Variants in ADAMTS3 observed in about 807,000 individuals in gnomAD.
ADAMTS3 encodes ADAM metallopeptidase with thrombospondin type 1 motif 3.
A neutral mutation model predicts 129.0 loss-of-function variants in ADAMTS3; 73 were observed. The observed-to-expected ratio is 0.57, with a 90% confidence interval of 0.47 to 0.69. ADAMTS3 has a LOEUF of 0.69. Ranked by LOEUF, ADAMTS3 falls within the 30% of genes least tolerant of loss-of-function variation. ADAMTS3 has a pLI of 0.00. For synonymous variants in ADAMTS3, 477 were observed against 510.8 expected, an observed-to-expected ratio of 0.93 and a Z score of 0.89; for missense variants, 1,457 against 1,514.5, an observed-to-expected ratio of 0.96 and a Z score of 0.63.
intron 4 of ADAMTS3, among the ~76,000 whole-genome samples, chr4:72,373,081 T>C (rs373624450): frequency 1.3e-5 from 2 of 152,132 alleles, no homozygotes; most frequent in East Asian, 3.8e-4. Context: ...TGTTCTTCTG[T>C]GGAAACTAGA....
chr4:72,291,151 C>T (rs1467456875), intron 19 of ADAMTS3, 89 bp from the exon 20 acceptor site: 1 of 1,422,808 alleles, frequency 7.0e-7, no homozygotes, highest in South Asian at 1.3e-5. Context: ...TTTCTGCTCT[C>T]TAAGTGACTT....
intron 3 of ADAMTS3, among the ~76,000 whole-genome samples, chr4:72,497,756 A>AAG (rs1209503436): frequency 1.6e-4 from 24 of 151,208 alleles, no homozygotes; most frequent in Non-Finnish European, 2.7e-4. Context: ...ATCAGAAAAA[A>AAG]AGTCTATTTA....
chr4:72,362,512 G>A (rs1472244317), intron 4 of ADAMTS3, among the ~76,000 whole-genome samples: 2 of 152,092 alleles, frequency 1.3e-5, no homozygotes, highest in African/African-American at 4.8e-5. Flanking sequence ...ATTATCAGTA[G>A]GGACATTTCC....
rs968867863 is a variant in ADAMTS3, at chr4:72,281,222, GACTT to G, written c.*1910_*1913del. The G allele has an allele frequency of 2.6e-4, 40 of 152,304 alleles. No individual in the cohort carries two copies. The highest frequency in any genetic ancestry group is 3.4e-3 in the Middle Eastern group (1 of 294). The allele number at this position is 152,304 out of a possible 1,614,324, so 9.4% of individuals were successfully genotyped here. ...ATGGGAATTTTTAGGAAAAAAAAAA[GACTT>G]AAGGCTTAGGGATTGTTTTACTATC... On this transcript the variant is annotated 3_prime_UTR_variant, in exon 22 of 22. Transcript: ENST00000286657.
chr4:72,503,765 G>A (rs1228305995), intron 3 of ADAMTS3, among the ~76,000 whole-genome samples: 3 of 152,158 alleles, frequency 2.0e-5, no homozygotes, highest in South Asian at 2.1e-4. Context: ...AGTACTTTAT[G>A]AATACAGGTC....
intron 3 of ADAMTS3, among the ~76,000 whole-genome samples, chr4:72,536,810 C>T (rs547722448): frequency 1.3e-5 from 2 of 152,164 alleles, no homozygotes; most frequent in African/African-American, 4.8e-5. Context: ...TTTTAAAAAA[C>T]TGAACTCTCC....
At chr4:72,302,657 G>A (rs1718980397) in intron 17 of ADAMTS3, among the ~76,000 whole-genome samples, 1 of 151,950 alleles carries the variant, frequency 6.6e-6, no homozygotes, top group African/African-American at 2.4e-5. Flanking sequence ...AAGATTCTCA[G>A]TGAACCCCAA....
chr4:72,297,510 A>G lies in ADAMTS3; in HGVS notation c.2590+767T>C, dbSNP rs144746143. Among the ~76,000 whole-genome samples the G allele has an allele frequency of 4.4e-3, 664 of 152,254 alleles. 12 individuals are homozygous for G. Among genetic ancestry groups the G allele is most frequent in the East Asian group, 0.036 (185 of 5,186 alleles). On this transcript the variant is annotated intron_variant, in intron 18 of 21. Coordinates refer to ENST00000286657, the MANE Select transcript of ADAMTS3 (RefSeq NM_014243.3). ...CTCAATTATTTGCTGTCATTTTTGT[A>G]ACAGCCTCTTGCCTTCTCCTGCCCA...
At chr4:72,475,407 T>A (rs1228126169) in intron 3 of ADAMTS3, among the ~76,000 whole-genome samples, 1 of 151,796 alleles carries the variant, frequency 6.6e-6, no homozygotes, top group Non-Finnish European at 1.5e-5. Flanking sequence ...ATATATATAT[T>A]AACAGAAAGA....
At chr4:72,352,819 A>G (rs909817289) in intron 4 of ADAMTS3, among the ~76,000 whole-genome samples, 1 of 152,014 alleles carries the variant, frequency 6.6e-6, no homozygotes, top group Admixed American at 6.6e-5. Flanking sequence ...GAAAGACTGA[A>G]AAGTATTGAA....
At chr4:72,287,085 T>G (rs1718525847) in intron 21 of ADAMTS3, among the ~76,000 whole-genome samples, 1 of 151,556 alleles carries the variant, frequency 6.6e-6, no homozygotes, top group East Asian at 2.0e-4. Context: ...GCCATCAGGG[T>G]GGAGCGCTTA....
At chr4:72,297,062 T>C (rs1718829039) in intron 18 of ADAMTS3, among the ~76,000 whole-genome samples, 1 of 152,172 alleles carries the variant, frequency 6.6e-6, no homozygotes, top group Non-Finnish European at 1.5e-5. Flanking sequence ...GGCAACATGT[T>C]AGAAGACTGA....
intron 3 of ADAMTS3, among the ~76,000 whole-genome samples, chr4:72,487,612 A>G (rs752045387): frequency 6.6e-6 from 1 of 152,132 alleles, no homozygotes; most frequent in Non-Finnish European, 1.5e-5. Flanking sequence ...TCGGTTAGTG[A>G]CAAAAACGCT....
At chr4:72,399,803 T>C (rs62318847) in intron 4 of ADAMTS3, among the ~76,000 whole-genome samples, 348 of 10,408 alleles carry the variant, frequency 0.033, 8 homozygotes, top group Middle Eastern at 0.5. Flanking sequence ...TGTGTATATA[T>C]ATACACACAC....
intron 3 of ADAMTS3, among the ~76,000 whole-genome samples, chr4:72,526,559 T>C (rs1720811465): frequency 8.8e-6 from 1 of 113,970 alleles, no homozygotes; most frequent in Admixed American, 1.1e-4. Context: ...TAAAATATAC[T>C]AATGAAATTT....
At chr4:72,315,821 T>C in intron 11 of ADAMTS3, 37 bp downstream of exon 11, 1 of 1,320,620 alleles carries the variant, frequency 7.6e-7, no homozygotes, top group Non-Finnish European at 1.1e-6. Flanking sequence ...TTATGCAACA[T>C]ATCTTACATA....
At chr4:72,533,620 T>G (rs1166953700) in intron 3 of ADAMTS3, among the ~76,000 whole-genome samples, 2 of 151,950 alleles carry the variant, frequency 1.3e-5, no homozygotes, top group Non-Finnish European at 2.9e-5. Flanking sequence ...TATGTATATA[T>G]ACATATATAT....
intron 4 of ADAMTS3, among the ~76,000 whole-genome samples, chr4:72,356,941 A>G (rs979633398): frequency 6.6e-6 from 1 of 151,946 alleles, no homozygotes; most frequent in Non-Finnish European, 1.5e-5. Context: ...CTCCTGCCAA[A>G]TGATAAGAAC....
At chr4:72,408,149 C>T (rs552573338) in intron 4 of ADAMTS3, among the ~76,000 whole-genome samples, 1 of 152,076 alleles carries the variant, frequency 6.6e-6, no homozygotes, top group East Asian at 1.9e-4. Context: ...TTTAAATTGA[C>T]AGTAAACTCA....
Sources: allele counts gnomAD v4.1 joint callset (sites outside exome capture counted in the v4.1 genomes callset), GRCh38; gene constraint gnomAD v4.1.1; transcripts MANE v1.5; gene names NCBI Gene and HGNC (gene_info 2026-07-23, HGNC 2026-07-21).